The following CCDC91 variants were observed in gnomAD, a reference collection of about 807,000 sequenced individuals.
CCDC91 encodes the protein coiled-coil domain containing 91, also known as coiled-coil domain-containing protein 91.
In CCDC91, 48 loss-of-function variants were observed where a neutral mutation model predicts 63.2. The ratio of observed to expected loss-of-function variants is 0.76; its 90% confidence interval spans 0.60 to 0.97. The LOEUF (loss-of-function observed/expected upper bound fraction) is 0.97, where lower values mean the gene tolerates loss of function less well. CCDC91 is among the 50% of genes least tolerant of loss of function. The probability of loss-of-function intolerance (pLI) is 0.00; values close to 1 mark genes in which losing one functional copy is unlikely to be tolerated. For synonymous variants in CCDC91, 167 were observed against 165.8 expected (o/e 1.01, Z -0.06); for missense variants, 500 against 494.6 (o/e 1.01, Z -0.10).
At chr12:28,378,894 C>G (rs1945108198) in intron 7 of CCDC91, among the ~76,000 whole-genome samples, 1 of 152,076 alleles carries the variant, frequency 6.6e-6, no homozygotes, top group South Asian at 2.1e-4. Context: ...GTTGAGAATA[C>G]TTCTGTGTGC....
intron 12 of CCDC91, among the ~76,000 whole-genome samples, chr12:28,525,324 G>A (rs1183385975): frequency 1.3e-5 from 2 of 152,002 alleles, no homozygotes; most frequent in African/African-American, 4.8e-5. Context: ...AGTTCGAAGA[G>A]TTTTTAATTT....
intron 7 of CCDC91, among the ~76,000 whole-genome samples, chr12:28,385,754 A>T (rs1435322979): frequency 6.6e-6 from 1 of 152,174 alleles, no homozygotes; most frequent in Non-Finnish European, 1.5e-5. Flanking sequence ...ATGAGGCTGG[A>T]ATCAGATCTG....
intron 6 of CCDC91, among the ~76,000 whole-genome samples, chr12:28,325,956 A>AT (rs1940956565): frequency 6.6e-6 from 1 of 152,132 alleles, no homozygotes; most frequent in African/African-American, 2.4e-5. Flanking sequence ...GAAATAAAGG[A>AT]TTTTACATTC....
At chr12:28,538,818 A>G (rs1942399613) in intron 12 of CCDC91, among the ~76,000 whole-genome samples, 1 of 152,148 alleles carries the variant, frequency 6.6e-6, no homozygotes, top group South Asian at 2.1e-4. Context: ...GTGAGATGGT[A>G]TCTCATTGTG....
At chr12:28,322,077 T>A (rs897214021) in intron 6 of CCDC91, among the ~76,000 whole-genome samples, 2 of 151,802 alleles carry the variant, frequency 1.3e-5, no homozygotes, top group African/African-American at 4.8e-5. Flanking sequence ...AAGAAATGAC[T>A]TCTACCCTAT....
Position 28,463,923 on chromosome 12 carries a change from A to G in CCDC91, c.1101+11269A>G, listed in dbSNP as rs1950427925. ...TAAAAACCAAGAAGCAAGTGAGCCA[A>G]ATACTTGATTTTTACTTTATATTGC... On this transcript the variant is annotated intron_variant, in intron 11 of 12. Coordinates refer to ENST00000536442, the MANE Select transcript of CCDC91 (RefSeq NM_018318.5). Among the ~76,000 whole-genome samples, 3 of 152,230 alleles carry G rather than the reference A, an allele frequency of 2.0e-5. No individual in the cohort carries two copies. The South Asian group carries it at 6.2e-4, about 32-fold the overall frequency.
chr12:28,534,222 A>G (rs1941972817), intron 12 of CCDC91, among the ~76,000 whole-genome samples: 2 of 152,180 alleles, frequency 1.3e-5, no homozygotes, highest in South Asian at 4.1e-4. Flanking sequence ...AAGAATAATG[A>G]TCATAATTTA....
At chr12:28,296,342 G>A (rs1260631974) in intron 3 of CCDC91, among the ~76,000 whole-genome samples, 4 of 151,754 alleles carry the variant, frequency 2.6e-5, no homozygotes, top group African/African-American at 9.7e-5. Flanking sequence ...GTAGTATACA[G>A]GGTTACCCAA....
intron 12 of CCDC91, among the ~76,000 whole-genome samples, chr12:28,496,869 T>C (rs1245785303): frequency 1.3e-5 from 2 of 148,282 alleles, no homozygotes; most frequent in African/African-American, 4.9e-5. Context: ...TTAAGGTATA[T>C]ATATATATGT....
At position 28,378,239 on chromosome 12, in the gene CCDC91, G is replaced by A. The variant is rs891185798; in HGVS notation, c.655-13065G>A. On this transcript the variant is annotated intron_variant, in intron 7 of 12. Coordinates refer to ENST00000536442, the MANE Select transcript of CCDC91 (RefSeq NM_018318.5). ...GGTCTTTTGTGCATTTTCTGAAAAG[G>A]TCAGATATATGCTAAATACTTTTTG... Among the ~76,000 whole-genome samples, 6 of 152,096 alleles carry A rather than the reference G, an allele frequency of 3.9e-5. No homozygotes were observed. In the East Asian group the frequency reaches 1.2e-3, roughly 29 times the overall value.
At chr12:28,498,123 A>G (rs1565478598) in intron 12 of CCDC91, among the ~76,000 whole-genome samples, 1 of 151,682 alleles carries the variant, frequency 6.6e-6, no homozygotes, top group Non-Finnish European at 1.5e-5. Context: ...TTTCTGCATC[A>G]TTATATAATC....
intron 6 of CCDC91, among the ~76,000 whole-genome samples, chr12:28,347,846 A>G (rs1457292455): frequency 6.6e-6 from 1 of 152,228 alleles, no homozygotes; most frequent in Non-Finnish European, 1.5e-5. Context: ...CTTGGCAAGA[A>G]TTGTATAGTG....
chr12:28,202,322 C>T (rs1824769), intron 1 of CCDC91, among the ~76,000 whole-genome samples: 85,338 of 151,498 alleles, frequency 0.56, 24,126 homozygotes, highest in East Asian at 0.61. Context: ...CCTTTCTTGT[C>T]TCTTGCATGT....
intron 2 of CCDC91, 145 bp downstream of exon 2, chr12:28,257,390 C>G (rs780267626): frequency 4.5e-5 from 26 of 574,132 alleles, no homozygotes; most frequent in African/African-American, 3.9e-4. Flanking sequence ...AAGATGAAAT[C>G]AAGAAAAATA....
At chr12:28,353,578 A>G (rs1943324932) in intron 6 of CCDC91, among the ~76,000 whole-genome samples, 1 of 152,166 alleles carries the variant, frequency 6.6e-6, no homozygotes, top group Non-Finnish European at 1.5e-5. Context: ...CCTGACTTCA[A>G]TATTACTGTG....
At chr12:28,202,788 C>G (rs543163957) in intron 1 of CCDC91, among the ~76,000 whole-genome samples, 2 of 152,332 alleles carry the variant, frequency 1.3e-5, no homozygotes, top group South Asian at 4.1e-4. Flanking sequence ...TATGTTGGAT[C>G]TTATCAAAAT....
chr12:28,240,015 A>G (rs1945233969), intron 1 of CCDC91, among the ~76,000 whole-genome samples: 1 of 152,156 alleles, frequency 6.6e-6, no homozygotes, highest in Admixed American at 6.5e-5. Flanking sequence ...TAATAAAACA[A>G]TTTTGTAATT....
At chr12:28,533,648 G>A (rs539027568) in intron 12 of CCDC91, among the ~76,000 whole-genome samples, 1 of 152,090 alleles carries the variant, frequency 6.6e-6, no homozygotes, top group Non-Finnish European at 1.5e-5. Flanking sequence ...TTAAAAGTAT[G>A]TAGTTCTCTT....
chr12:28,283,943 TG>T (rs1948757713), intron 3 of CCDC91, among the ~76,000 whole-genome samples: 1 of 152,158 alleles, frequency 6.6e-6, no homozygotes, highest in Non-Finnish European at 1.5e-5. Context: ...AGTGGGGGTA[TG>T]TTTGTCTCTG....
Sources: gnomAD v4.1 joint callset for allele counts (sites outside exome capture counted in the v4.1 genomes callset) on GRCh38, gnomAD v4.1.1 for gene constraint, MANE v1.5 for transcripts, NCBI Gene and HGNC (gene_info 2026-07-23, HGNC 2026-07-21) for gene names.